Variants in DERA observed in about 807,000 individuals in gnomAD.
The protein encoded by DERA is 2-deoxy-D-ribose 5-phosphate aldolase.
Under a neutral mutation model 41.1 loss-of-function variants are expected in DERA, and 15 were observed. That is an observed-to-expected ratio of 0.37 (90% CI 0.24 to 0.56). DERA has a LOEUF of 0.56. Ranked by LOEUF, DERA falls within the 20% of genes least tolerant of loss-of-function variation. The pLI, the probability that DERA is intolerant of heterozygous loss-of-function variation, is 0.81. For missense variants in DERA, 396 were observed against 403.4 expected, an observed-to-expected ratio of 0.98 and a Z score of 0.16; for synonymous variants, 139 against 137.4, an observed-to-expected ratio of 1.01 and a Z score of -0.08.
At chr12:15,961,850 TCTC>T (rs1179962042) in intron 4 of DERA, among the ~76,000 whole-genome samples, 12 of 152,194 alleles carry the variant, frequency 7.9e-5, no homozygotes, top group African/African-American at 2.9e-4. Flanking sequence ...TTCAAGCAGT[TCTC>T]CTGCCTCAGC....
rs1157053983 is a variant in DERA at position 16,017,990 on chromosome 12, A to G, written c.638-14552A>G. Among the ~76,000 whole-genome samples, 1 of 152,166 alleles carries G rather than the reference A, an allele frequency of 6.6e-6. No homozygotes were observed. The highest frequency in any genetic ancestry group is 1.5e-5 in the Non-Finnish European group (1 of 68,010). ...GTTCTTTTGTAGCATAGCAGCATAT[A>G]TCTTCCCTGTTCACCATGGACTCTT... On this transcript the variant is annotated intron_variant, in intron 6 of 8. Coordinates refer to ENST00000428559, the MANE Select transcript of DERA (RefSeq NM_015954.4). This position sits in a 1 kb window ranked among gnomAD's most constrained non-coding sequence, Gnocchi z 5.5.
chr12:15,957,563 G>C lies in DERA; in HGVS notation c.129+530G>C, dbSNP rs80053339. Among the ~76,000 whole-genome samples, 1 of 152,254 alleles carries C rather than the reference G, an allele frequency of 6.6e-6. No homozygotes were observed. The highest frequency in any genetic ancestry group is 1.9e-4 in the East Asian group (1 of 5,168). On this transcript the variant is annotated intron_variant, in intron 2 of 8. Transcript: ENST00000428559. The surrounding 1 kb of genome is among the most constrained non-coding windows in gnomAD (Gnocchi z 4.8). The stretch of plus-strand genomic sequence containing the variant: ...TCCCAACCAAAGACGTGCTGTGTAG[G>C]ATTAAAGGGAATTCAGAGTTCATTT...
rs1948832937 is a variant in DERA at position 15,995,822 on chromosome 12, T to G, written c.637+13386T>G. Reference sequence around the variant, plus strand: ...AGGAAAATCCTTGGGGTTGTAATATTATGTTCAAATACTTGGAAGATTTTC... The same window carrying G: ...AGGAAAATCCTTGGGGTTGTAATATGATGTTCAAATACTTGGAAGATTTTC... On this transcript the variant is annotated intron_variant, in intron 6 of 8. Coordinates refer to ENST00000428559, the MANE Select transcript of DERA (RefSeq NM_015954.4). The surrounding 1 kb of genome is among the most constrained non-coding windows in gnomAD (Gnocchi z 5.1). Among the ~76,000 whole-genome samples, 1 of 152,182 alleles carries G rather than the reference T, an allele frequency of 6.6e-6. No individual in the cohort carries two copies. The highest frequency in any genetic ancestry group is 2.1e-4 in the South Asian group (1 of 4,828).
intron 1 of DERA, among the ~76,000 whole-genome samples, chr12:15,948,875 T>A (rs1301192764): frequency 6.6e-6 from 1 of 152,188 alleles, no homozygotes; most frequent in Admixed American, 6.5e-5. Context: ...AGATGGGGTT[T>A]TGGTGTGGAT....
chr12:15,946,256 G>C (rs1322502087), intron 1 of DERA, among the ~76,000 whole-genome samples: 2 of 152,204 alleles, frequency 1.3e-5, no homozygotes, highest in Admixed American at 6.5e-5. Flanking sequence ...ATGAGTCAGG[G>C]AGGATTCCCT....
In DERA at chr12:15,983,697, G is replaced by A. The variant is rs1228428195; in HGVS notation, c.637+1261G>A. 1.3e-5 allele frequency among the ~76,000 whole-genome samples: 2 copies of A among 152,164 alleles called. No individual in the cohort carries two copies. Among genetic ancestry groups the A allele is most frequent in the African/African-American group, 4.8e-5 (2 of 41,436 alleles). ...GAAGATACCTGGTTTCTCTGGTCTT[G>A]AATCTGGGCCAGCCATATTCTTGTG... On this transcript the variant is annotated intron_variant, in intron 6 of 8. Transcript: ENST00000428559. This position sits in a 1 kb window ranked among gnomAD's most constrained non-coding sequence, Gnocchi z 6.2.
intron 6 of DERA, among the ~76,000 whole-genome samples, chr12:16,023,471 GTCT>G (rs1949029951): frequency 1.5e-5 from 2 of 134,744 alleles, no homozygotes; most frequent in Non-Finnish European, 3.1e-5. Flanking sequence ...AAAACTCAAA[GTCT>G]TTTTTTTTTT....
chr12:15,960,194 G>GTA (rs766780590), intron 4 of DERA, among the ~76,000 whole-genome samples: 159 of 148,516 alleles, frequency 1.1e-3, no homozygotes, highest in Non-Finnish European at 1.7e-3. Flanking sequence ...ATGACATATA[G>GTA]TATATATATA....
chr12:15,935,587 G>T lies in DERA; in HGVS notation c.32-21349G>T, dbSNP rs907945135. 1.3e-5 allele frequency among the ~76,000 whole-genome samples: 2 copies of T among 152,060 alleles called. No homozygotes were observed. Among genetic ancestry groups the T allele is most frequent in the African/African-American group, 4.8e-5 (2 of 41,416 alleles). On this transcript the variant is annotated intron_variant, in intron 1 of 8. Coordinates refer to ENST00000428559, the MANE Select transcript of DERA (RefSeq NM_015954.4). The surrounding 1 kb of genome is among the most constrained non-coding windows in gnomAD (Gnocchi z 4.8). ...ATCTGTACCAGTTTCAGTGTAATTTGATTTATTTATTTTTATTAGTGGGAT... is the reference window on the plus strand; with the variant it reads ...ATCTGTACCAGTTTCAGTGTAATTTTATTTATTTATTTTTATTAGTGGGAT...
At chr12:15,929,576 G>A (rs549333811) in intron 1 of DERA, among the ~76,000 whole-genome samples, 2 of 152,210 alleles carry the variant, frequency 1.3e-5, no homozygotes, top group Admixed American at 1.3e-4. Context: ...TACATTCCAA[G>A]CTTCTTCTGT....
At position 15,919,273 on chromosome 12, in the gene DERA, A is replaced by T. The variant is rs569785955; in HGVS notation, c.31+7859A>T. Among the ~76,000 whole-genome samples the T allele has an allele frequency of 3.1e-3, 468 of 150,724 alleles. 1 individual carries two copies. The highest frequency in any genetic ancestry group is 9.9e-3 in the African/African-American group (408 of 41,154). On this transcript the variant is annotated intron_variant, in intron 1 of 8. Transcript: ENST00000428559. ...AGTTAAAAAACATTTTTTTTTTTTT[A>T]AAAAGCATCTAAGCCCGGTGGATTT...
intron 5 of DERA, among the ~76,000 whole-genome samples, chr12:15,974,619 C>A (rs561078982): frequency 6.6e-6 from 1 of 152,242 alleles, no homozygotes; most frequent in Non-Finnish European, 1.5e-5. Flanking sequence ...TGCCAAGTTT[C>A]TCCATTGTAA....
In DERA at chr12:15,983,944, T is replaced by A. The variant is rs1016214393; in HGVS notation, c.637+1508T>A. ...ATCAGTGATGTTGGCATTTCAAAGA[T>A]TCACAGTAGAAGACTCACTGTGCCT... On this transcript the variant is annotated intron_variant, in intron 6 of 8. Transcript: ENST00000428559. The surrounding 1 kb of genome is among the most constrained non-coding windows in gnomAD (Gnocchi z 6.2). 1.3e-5 allele frequency among the ~76,000 whole-genome samples: 2 copies of A among 152,176 alleles called. No individual in the cohort carries two copies. Among genetic ancestry groups the A allele is most frequent in the Admixed American group, 1.3e-4 (2 of 15,286 alleles).
At position 15,941,456 on chromosome 12, in the gene DERA, G is replaced by T. The variant is rs1282491976; in HGVS notation, c.32-15480G>T. Among the ~76,000 whole-genome samples, 1 of 152,124 alleles carries T rather than the reference G, an allele frequency of 6.6e-6. No individual in the cohort carries two copies. The highest frequency in any genetic ancestry group is 2.4e-5 in the African/African-American group (1 of 41,402). On this transcript the variant is annotated intron_variant, in intron 1 of 8. Coordinates refer to ENST00000428559, the MANE Select transcript of DERA (RefSeq NM_015954.4). The surrounding 1 kb of genome is among the most constrained non-coding windows in gnomAD (Gnocchi z 4.5). ...TAAGTTCTTTAGTGGTGATTTCTGAGATTTTAGTGTACCCATCACCCTAGC... is the reference window on the plus strand; with the variant it reads ...TAAGTTCTTTAGTGGTGATTTCTGATATTTTAGTGTACCCATCACCCTAGC...
Position 15,967,090 on chromosome 12 carries a change from C to T in DERA, c.508+4143C>T, listed in dbSNP as rs1310591817. ...TTAGGCCGGGCACAGTGGCTTATGCCTGTAATCCCAGCACTCTGGGAGGCT... is the reference window on the plus strand; with the variant it reads ...TTAGGCCGGGCACAGTGGCTTATGCTTGTAATCCCAGCACTCTGGGAGGCT... On this transcript the variant is annotated intron_variant, in intron 5 of 8. Coordinates refer to ENST00000428559, the MANE Select transcript of DERA (RefSeq NM_015954.4). The surrounding 1 kb of genome is among the most constrained non-coding windows in gnomAD (Gnocchi z 4.9). Among the ~76,000 whole-genome samples, 1 of 152,022 alleles carries T rather than the reference C, an allele frequency of 6.6e-6. No homozygotes were observed. Among genetic ancestry groups the T allele is most frequent in the Non-Finnish European group, 1.5e-5 (1 of 68,016 alleles).
intron 1 of DERA, among the ~76,000 whole-genome samples, chr12:15,916,712 A>C (rs1948202955): frequency 6.6e-6 from 1 of 152,130 alleles, no homozygotes. Context: ...CGGCCTCCCA[A>C]AGTACTGGGA....
intron 6 of DERA, among the ~76,000 whole-genome samples, chr12:16,015,176 C>T (rs1442322709): frequency 1.3e-5 from 2 of 152,050 alleles, no homozygotes; most frequent in African/African-American, 2.4e-5. Context: ...GGGGGACTGT[C>T]GAGAAGGCAT....
At position 15,992,818 on chromosome 12, in the gene DERA, C is replaced by G. The variant is rs763611821; in HGVS notation, c.637+10382C>G. On this transcript the variant is annotated intron_variant, in intron 6 of 8. Coordinates refer to ENST00000428559, the MANE Select transcript of DERA (RefSeq NM_015954.4). This position sits in a 1 kb window ranked among gnomAD's most constrained non-coding sequence, Gnocchi z 4.3. ...TATCTTTCAGTAGCGGTGGACTGTT[C>G]GCACACACTCAACAGTTAACAAGCT... Among the ~76,000 whole-genome samples the G allele has an allele frequency of 6.6e-6, 1 of 152,084 alleles. No individual in the cohort carries two copies. The highest frequency in any genetic ancestry group is 1.5e-5 in the Non-Finnish European group (1 of 68,004).
At position 15,936,906 on chromosome 12, in the gene DERA, CTGT is replaced by C. The variant is rs1565588667; in HGVS notation, c.32-20029_32-20027del. Among the ~76,000 whole-genome samples the C allele has an allele frequency of 3.3e-4, 45 of 138,296 alleles. No homozygotes were observed. Among genetic ancestry groups the C allele is most frequent in the African/African-American group, 1.1e-3 (38 of 33,398 alleles). 90.7% of individuals were successfully genotyped at this position (138,296 alleles called of 152,430 possible). A position where few individuals can be genotyped will look rare whatever the true frequency, so the allele number is the denominator to read the frequency against. ...TTGTCTTGTCCTGTCCTGTCCTGTC[CTGT>C]CCTGTCCTGTCCTGTCCTGTCCTGT... On this transcript the variant is annotated intron_variant, in intron 1 of 8. Coordinates refer to ENST00000428559, the MANE Select transcript of DERA (RefSeq NM_015954.4). The surrounding 1 kb of genome is among the most constrained non-coding windows in gnomAD (Gnocchi z 4.6).
Sources: allele counts gnomAD v4.1 joint callset (sites outside exome capture counted in the v4.1 genomes callset), GRCh38; gene constraint gnomAD v4.1.1; non-coding constraint Gnocchi (gnomAD v3.1); transcripts MANE v1.5; gene names NCBI Gene and HGNC (gene_info 2026-07-23, HGNC 2026-07-21).